The following ANXA2 variants were observed in gnomAD, a reference collection of about 807,000 sequenced individuals.
ANXA2 encodes annexin A2, also known as annexin II.
A neutral mutation model predicts 47.3 loss-of-function variants in ANXA2; 28 were observed. That is an observed-to-expected ratio of 0.59 (90% CI 0.44 to 0.81). The LOEUF (loss-of-function observed/expected upper bound fraction) is 0.81. ANXA2 is among the 40% of genes least tolerant of loss of function. The pLI is 0.00. For missense variants in ANXA2, 384 were observed against 414.3 expected, an observed-to-expected ratio of 0.93 and a Z score of 0.64; for synonymous variants, 172 against 155.5, an observed-to-expected ratio of 1.11 and a Z score of -0.79.
chr15:60,388,783 C>G (rs1823851), intron 1 of ANXA2, among the ~76,000 whole-genome samples: 116,446 of 148,010 alleles, frequency 0.79, 46,594 homozygotes, highest in East Asian at 1. Flanking sequence ...TCTCTGTTAC[C>G]CAGGCTGGAG....
chr15:60,382,554 C>T, intron 2 of ANXA2, 113 bp from the exon 3 acceptor site: 1 of 716,910 alleles, frequency 1.4e-6, no homozygotes, highest in Non-Finnish European at 2.3e-6. Flanking sequence ...AGATCATTCT[C>T]ATACTAGGTA....
rs752148384 is a variant in ANXA2 at position 60,352,451 on chromosome 15, C to A, written c.614G>T (p.Arg205Met). 1 of 1,613,682 alleles carries A rather than the reference C, an allele frequency of 6.2e-7. No individual in the cohort carries two copies. The highest frequency in any genetic ancestry group is 1.7e-5 in the Admixed American group (1 of 60,012). Residue 205 changes from arginine (R) to methionine (M), a missense_variant, in exon 9 of 13, where the codon AGG becomes ATG. Arg to Met is a moderately conservative substitution (Grantham distance 91, BLOSUM62 -1). Coordinates refer to ENST00000451270, the MANE Select transcript of ANXA2 (RefSeq NM_004039.3). The surrounding 1 kb of genome is among the most constrained non-coding windows in gnomAD (Gnocchi z 4.2). ...ARDLYDAGVK[R>M]KGTDVPKWIS... ...CCACTTGGGAACATCAGTTCCTTTCCTCTTCACTCCAGCGTCATAGAGATC... is the reference window on the plus strand; with the variant it reads ...CCACTTGGGAACATCAGTTCCTTTCATCTTCACTCCAGCGTCATAGAGATC...
At chr15:60,353,080 T>C (rs187441551) in intron 8 of ANXA2, among the ~76,000 whole-genome samples, 44 of 152,342 alleles carry the variant, frequency 2.9e-4, no homozygotes, top group African/African-American at 1.1e-3. Flanking sequence ...CCAACTTCTA[T>C]TACTTTATTT....
intron 3 of ANXA2, among the ~76,000 whole-genome samples, chr15:60,369,855 A>G (rs866433788): frequency 1.3e-5 from 2 of 152,338 alleles, no homozygotes; most frequent in South Asian, 2.1e-4. Context: ...GATCGACTAC[A>G]ATTTTAGGAA....
At chr15:60,355,515 A>G (rs969006820) in intron 7 of ANXA2, 1 of 308,088 alleles carries the variant, frequency 3.2e-6, no homozygotes, top group African/African-American at 2.2e-5. Context: ...CACCCCAGAC[A>G]AAGGACTATA....
At chr15:60,378,821 C>T (rs952873233) in intron 3 of ANXA2, among the ~76,000 whole-genome samples, 1 of 151,884 alleles carries the variant, frequency 6.6e-6, no homozygotes, top group African/African-American at 2.4e-5. Flanking sequence ...CAAAAATTAG[C>T]CAGGCATGGT....
chr15:60,352,397 G>C lies in ANXA2; in HGVS notation c.668C>G (p.Pro223Arg). 1 of 1,613,388 alleles carries C rather than the reference G, an allele frequency of 6.2e-7. No homozygotes were observed. The highest frequency in any genetic ancestry group is 8.5e-7 in the Non-Finnish European group (1 of 1,179,552). Residue 223 changes from proline to arginine, a missense_variant, in exon 9 of 13, where the codon CCC (proline) becomes CGC (arginine). By Grantham distance (103) the Pro-to-Arg change is moderately radical. Coordinates refer to ENST00000451270, the MANE Select transcript of ANXA2 (RefSeq NM_004039.3). The surrounding 1 kb of genome is among the most constrained non-coding windows in gnomAD (Gnocchi z 4.2). ...WISIMTERSV[P>R]HLQKVFDRYK... The stretch of plus-strand genomic sequence containing the variant: ...ACAGTGCCCACCTTTCTGGAGGTGG[G>C]GCACGCTCCGCTCGGTCATGATGCT...
intron 3 of ANXA2, among the ~76,000 whole-genome samples, chr15:60,381,811 C>G (rs1258650714): frequency 6.6e-6 from 1 of 152,048 alleles, no homozygotes; most frequent in East Asian, 1.9e-4. Flanking sequence ...GGACTTGGAA[C>G]AAAAAATGCC....
At chr15:60,373,279 G>A (rs1014082767) in intron 3 of ANXA2, among the ~76,000 whole-genome samples, 38 of 152,216 alleles carry the variant, frequency 2.5e-4, no homozygotes, top group African/African-American at 9.2e-4. Context: ...GCCACTAAAG[G>A]GATAACCCAG....
intron 3 of ANXA2, among the ~76,000 whole-genome samples, chr15:60,368,101 T>C (rs370870486): frequency 0.03 from 4,147 of 138,116 alleles, 106 homozygotes; most frequent in East Asian, 0.076. Context: ...GTTAAACAGA[T>C]GCTTGAAGGC....
rs577274556 is a variant in ANXA2, at chr15:60,360,984, G to C, written c.314C>G (p.Thr105Arg). The change falls in exon 5 of 13, where the codon ACA becomes AGA. Residue 105 changes from threonine to arginine, a missense_variant. Thr to Arg is a moderately conservative substitution (Grantham distance 71). Transcript: ENST00000451270. Reference protein sequence around the residue: ...LETVILGLLKTPAQYDASELK... With the variant: ...LETVILGLLKRPAQYDASELK... ...CTCAGAAGCGTCATACTGAGCAGGT[G>C]TCTTCAATAGGCCCAAAATCACCGT... The C allele has an allele frequency of 6.2e-7, 1 of 1,613,726 alleles. No homozygotes were observed. The highest frequency in any genetic ancestry group is 1.3e-5 in the African/African-American group (1 of 75,030).
At chr15:60,386,356 A>C (rs891161344) in intron 1 of ANXA2, 3 of 365,810 alleles carry the variant, frequency 8.2e-6, no homozygotes, top group Non-Finnish European at 1.5e-5. Context: ...GTGAATGCAA[A>C]AACAAAATGT....
At position 60,382,460 on chromosome 15, in the gene ANXA2, C is replaced by G. The variant is rs767017960; in HGVS notation, c.49-19G>C. ...TAGAGTGCTGAGGTTAAAAGATAAA[C>G]ATACTCAAATGACACACATTTAAAA... is the stretch of plus-strand genomic sequence containing the variant. On this transcript the variant is annotated intron_variant, in intron 2 of 12. Coordinates refer to ENST00000451270, the MANE Select transcript of ANXA2 (RefSeq NM_004039.3). 2.6e-6 allele frequency: 4 copies of G among 1,531,772 alleles called. No individual in the cohort carries two copies. Among genetic ancestry groups the G allele is most frequent in the Non-Finnish European group, 2.7e-6 (3 of 1,107,250 alleles). 94.9% of individuals were successfully genotyped at this position (1,531,772 alleles called of 1,614,324 possible).
chr15:60,387,203 T>C (rs2062945301), intron 1 of ANXA2: 1 of 152,198 alleles, frequency 6.6e-6, no homozygotes, highest in Non-Finnish European at 1.5e-5. Flanking sequence ...TCGCCTTTAG[T>C]TGTGGTGAAG....
At chr15:60,368,316 A>AAAATAAAATAAAATAAAAT (rs57187491) in intron 3 of ANXA2, among the ~76,000 whole-genome samples, 13 of 114,006 alleles carry the variant, frequency 1.1e-4, no homozygotes, top group South Asian at 5.8e-4. Context: ...AATAAAAAAA[A>AAAATAAAATAAAATAAAAT]AAAATAAAAT....
At chr15:60,360,812 G>C (rs895031095) in intron 5 of ANXA2, 129 bp downstream of exon 5, 52 of 656,042 alleles carry the variant, frequency 7.9e-5, no homozygotes, top group Non-Finnish European at 1.3e-4. Flanking sequence ...TATAACTTCA[G>C]TTCATTTTTA....
chr15:60,385,879 A>T, intron 2 of ANXA2, 149 bp downstream of exon 2: 1 of 546,182 alleles, frequency 1.8e-6, no homozygotes, highest in African/African-American at 2.1e-5. Flanking sequence ...TACTAGGAAC[A>T]GCTGAAGTAT....
chr15:60,369,255 G>A (rs1449192960), intron 3 of ANXA2, among the ~76,000 whole-genome samples: 1 of 152,246 alleles, frequency 6.6e-6, no homozygotes, highest in Non-Finnish European at 1.5e-5. Context: ...TGCCTGGGCT[G>A]CTGTGCATTC....
At position 60,347,430 on chromosome 15, in the gene ANXA2, T is replaced by G. The variant is rs546079795; in HGVS notation, c.*200A>C. On this transcript the variant is annotated 3_prime_UTR_variant, in exon 13 of 13. Transcript: ENST00000451270. ...AGACTTCACTTCCAACTCCTTGGAATGTTCATTTCTTTGGCTTACAGGAGA... is the reference window on the plus strand; with the variant it reads ...AGACTTCACTTCCAACTCCTTGGAAGGTTCATTTCTTTGGCTTACAGGAGA... 2.3e-4 allele frequency: 142 copies of G among 604,468 alleles called. 2 individuals are homozygous for G. The South Asian group carries it at 2.7e-3, about 12-fold the overall frequency. The allele number at this position is 604,468 out of a possible 1,614,324, so 37.4% of individuals were successfully genotyped here. A position where few individuals can be genotyped will look rare whatever the true frequency, so the allele number is the denominator to read the frequency against.
Sources: allele counts gnomAD v4.1 joint callset (sites outside exome capture counted in the v4.1 genomes callset), GRCh38; gene constraint gnomAD v4.1.1; non-coding constraint Gnocchi (gnomAD v3.1); transcripts MANE v1.5; gene names NCBI Gene and HGNC (gene_info 2026-07-23, HGNC 2026-07-21).